BCAS3: variants seen among roughly 807,000 people sequenced by gnomAD.
The protein encoded by BCAS3 is BCAS3 microtubule associated cell migration factor.
In BCAS3, 53 loss-of-function variants were observed where a neutral mutation model predicts 116.1. That is an observed-to-expected ratio of 0.46 (90% confidence interval 0.37 to 0.57). The LOEUF (loss-of-function observed/expected upper bound fraction) is 0.57. BCAS3 is among the 20% of genes least tolerant of loss of function. The pLI is 0.00. For missense variants in BCAS3, 917 were observed against 1,165.4 expected (o/e 0.79, Z 3.10); for synonymous variants, 391 against 408.2 (o/e 0.96, Z 0.51).
At chr17:60,727,513 T>G in intron 5 of BCAS3, 1 of 1,423,464 alleles carries the variant, frequency 7.0e-7, no homozygotes, top group Non-Finnish European at 9.3e-7. Context: ...GTCTATGTGA[T>G]GAAAACGAGA....
chr17:60,743,929 T>C (rs2041815909), intron 5 of BCAS3, among the ~76,000 whole-genome samples: 1 of 152,236 alleles, frequency 6.6e-6, no homozygotes, highest in Non-Finnish European at 1.5e-5. Flanking sequence ...GCGAAAGCTA[T>C]TTTCTATGGT....
chr17:60,678,138 G>A (rs1341847860), intron 1 of BCAS3, among the ~76,000 whole-genome samples: 1 of 152,194 alleles, frequency 6.6e-6, no homozygotes, highest in Non-Finnish European at 1.5e-5. Flanking sequence ...TCAGGAGACT[G>A]GGGCCTGAGT....
In BCAS3 at chr17:61,309,359, A is replaced by G. The variant is rs1247055644; in HGVS notation, c.2426-58968A>G. 6.6e-6 allele frequency among the ~76,000 whole-genome samples: 1 copy of G among 152,054 alleles called. No homozygotes were observed. Among genetic ancestry groups the G allele is most frequent in the Non-Finnish European group, 1.5e-5 (1 of 68,018 alleles). ...GTGTCCATTTTTTGACGGAACTGGTATGGGCAGATGAGCATGCCTGAGTAC... is the reference window on the plus strand; with the variant it reads ...GTGTCCATTTTTTGACGGAACTGGTGTGGGCAGATGAGCATGCCTGAGTAC... On this transcript the variant is annotated intron_variant, in intron 22 of 23. Transcript: ENST00000407086. The surrounding 1 kb of genome is among the most constrained non-coding windows in gnomAD (Gnocchi z 4.6).
intron 22 of BCAS3, among the ~76,000 whole-genome samples, chr17:61,305,828 G>A (rs558967889): frequency 6.6e-6 from 1 of 152,280 alleles, no homozygotes; most frequent in Admixed American, 6.5e-5. Flanking sequence ...CCTGGTAGGT[G>A]GAGGATGCAG....
At position 61,076,741 on chromosome 17, in the gene BCAS3, A is replaced by G. The variant is rs116078252; in HGVS notation, c.2131-1592A>G. On this transcript the variant is annotated intron_variant, in intron 20 of 23. Coordinates refer to ENST00000407086, the MANE Select transcript of BCAS3 (RefSeq NM_017679.5). The stretch of plus-strand genomic sequence containing the variant: ...CATCTGTTTACCTCTGGGCTCTGTG[A>G]CACTGATGGTTTTGAGCTTAAAGTA... Among the ~76,000 whole-genome samples the G allele has an allele frequency of 8.5e-3, 1,290 of 152,306 alleles. 12 individuals are homozygous for G. The highest frequency in any genetic ancestry group is 0.024 in the Middle Eastern group (7 of 294).
At chr17:60,706,615 A>G (rs1000798006) in intron 4 of BCAS3, among the ~76,000 whole-genome samples, 7 of 151,956 alleles carry the variant, frequency 4.6e-5, no homozygotes, top group South Asian at 2.1e-4. Flanking sequence ...TCTTGAGGCC[A>G]GGCACTCAAG....
At chr17:60,755,754 A>C (rs2042935447) in intron 6 of BCAS3, among the ~76,000 whole-genome samples, 1 of 152,184 alleles carries the variant, frequency 6.6e-6, no homozygotes, top group Non-Finnish European at 1.5e-5. Context: ...TACTTATTTA[A>C]GCAACCTTAA....
At chr17:61,329,041 C>A (rs2055984646) in intron 22 of BCAS3, among the ~76,000 whole-genome samples, 1 of 151,748 alleles carries the variant, frequency 6.6e-6, no homozygotes, top group Non-Finnish European at 1.5e-5. Context: ...ACTACAGGTG[C>A]CCACCACCAC....
At chr17:60,969,064 G>A (rs1312242018) in intron 14 of BCAS3, among the ~76,000 whole-genome samples, 1 of 152,120 alleles carries the variant, frequency 6.6e-6, no homozygotes, top group Non-Finnish European at 1.5e-5. Context: ...AGATCTGGAA[G>A]TCTGAATCTC....
At chr17:61,185,377 A>G (rs767068738) in intron 22 of BCAS3, among the ~76,000 whole-genome samples, 3 of 152,284 alleles carry the variant, frequency 2.0e-5, no homozygotes, top group South Asian at 2.1e-4. Flanking sequence ...CTATCTCCAT[A>G]TACAGTAGTA....
chr17:61,176,155 A>AG (rs1299027674), intron 22 of BCAS3, among the ~76,000 whole-genome samples: 2 of 149,860 alleles, frequency 1.3e-5, no homozygotes, highest in African/African-American at 2.4e-5. Context: ...AAAAAAAAAA[A>AG]AAAAAAGAAA....
chr17:60,986,247 G>C (rs1208646593), intron 14 of BCAS3, among the ~76,000 whole-genome samples: 2 of 152,106 alleles, frequency 1.3e-5, no homozygotes, highest in Admixed American at 1.3e-4. Flanking sequence ...TCTGTTGATG[G>C]GTCCTTAGGT....
At chr17:61,148,383 T>A (rs2077361092) in intron 22 of BCAS3, among the ~76,000 whole-genome samples, 4 of 152,200 alleles carry the variant, frequency 2.6e-5, no homozygotes, top group African/African-American at 9.7e-5. Context: ...AACACTGTGT[T>A]AAACCACTTC....
chr17:61,139,669 G>A lies in BCAS3; in HGVS notation c.2425+55105G>A, dbSNP rs1379670801. ...GCAGTATAGTTCAGTGCGATTAAAAGTCATCATGCTACATGATGTAGGGAA... is the reference window on the plus strand; with the variant it reads ...GCAGTATAGTTCAGTGCGATTAAAAATCATCATGCTACATGATGTAGGGAA... On this transcript the variant is annotated intron_variant, in intron 22 of 23. Transcript: ENST00000407086. This position sits in a 1 kb window ranked among gnomAD's most constrained non-coding sequence, Gnocchi z 4.7. 6.6e-6 allele frequency among the ~76,000 whole-genome samples: 1 copy of A among 152,168 alleles called. No homozygotes were observed. Among genetic ancestry groups the A allele is most frequent in the African/African-American group, 2.4e-5 (1 of 41,442 alleles).
intron 5 of BCAS3, among the ~76,000 whole-genome samples, chr17:60,734,656 G>A (rs193231514): frequency 6.1e-4 from 93 of 152,312 alleles, no homozygotes; most frequent in African/African-American, 2.2e-3. Flanking sequence ...GTGGGTCTAT[G>A]AACTCTTTGT....
In BCAS3 at chr17:61,368,518, G is replaced by T. The variant is rs773527150; in HGVS notation, c.2593+24G>T. On this transcript the variant is annotated intron_variant, in intron 23 of 23. Transcript: ENST00000407086. The surrounding 1 kb of genome is among the most constrained non-coding windows in gnomAD (Gnocchi z 6.0). ...AGGTAAAGGTGTCATCAGACTTCTA[G>T]CCTGATTTGGTCAGGACCAGCACCT... 1 of 1,577,326 alleles carries T rather than the reference G, an allele frequency of 6.3e-7. No homozygotes were observed. Among genetic ancestry groups the T allele is most frequent in the Non-Finnish European group, 8.7e-7 (1 of 1,152,746 alleles).
chr17:60,810,976 T>G (rs1413244091), intron 7 of BCAS3: 1 of 670,226 alleles, frequency 1.5e-6, no homozygotes, highest in Non-Finnish European at 2.8e-6. Context: ...GGACAAGTAC[T>G]AGTCTCAGCA....
chr17:61,319,989 C>G (rs2055069821), intron 22 of BCAS3, among the ~76,000 whole-genome samples: 1 of 150,330 alleles, frequency 6.7e-6, no homozygotes, highest in South Asian at 2.1e-4. Context: ...CTCCTGGGTT[C>G]AAGCATTCTC....
intron 22 of BCAS3, among the ~76,000 whole-genome samples, chr17:61,351,149 T>C (rs550196986): frequency 1.3e-5 from 2 of 152,364 alleles, no homozygotes; most frequent in African/African-American, 4.8e-5. Context: ...GGGCACTTTC[T>C]TTGTCCTTAG....
Sources: allele counts gnomAD v4.1 joint callset (sites outside exome capture counted in the v4.1 genomes callset), GRCh38; gene constraint gnomAD v4.1.1; non-coding constraint Gnocchi (gnomAD v3.1); transcripts MANE v1.5; gene names NCBI Gene and HGNC (gene_info 2026-07-23, HGNC 2026-07-21).